Variants in MYOM1 observed in about 807,000 individuals in gnomAD.
MYOM1 encodes myomesin-1.
In MYOM1, 164 loss-of-function variants were observed where a neutral mutation model predicts 205.3. The ratio of observed to expected loss-of-function variants is 0.80; its 90% CI spans 0.70 to 0.91. The LOEUF is 0.91. Ranked by LOEUF, MYOM1 falls within the 40% of genes least tolerant of loss-of-function variation. The pLI is 0.00. For synonymous variants in MYOM1, 772 were observed against 789.4 expected, an observed-to-expected ratio of 0.98 and a Z score of 0.37; for missense variants, 2,011 against 2,127.3, an observed-to-expected ratio of 0.95 and a Z score of 1.08.
chr18:3,176,271 T>C, intron 5 of MYOM1, 137 bp from the exon 6 acceptor site: 1 of 587,136 alleles, frequency 1.7e-6, no homozygotes, highest in South Asian at 2.2e-5. Context: ...ATTAAATAAA[T>C]GTAAATCATA....
At chr18:3,089,646 T>C (rs2079196041) in intron 27 of MYOM1, 50 bp from the exon 28 acceptor site, 2 of 1,473,200 alleles carry the variant, frequency 1.4e-6, no homozygotes, top group South Asian at 1.2e-5. Flanking sequence ...GTGGTATAAA[T>C]GCACATGTCA....
intron 22 of MYOM1, among the ~76,000 whole-genome samples, chr18:3,103,098 T>C (rs928809754): frequency 6.6e-6 from 1 of 152,018 alleles, no homozygotes; most frequent in East Asian, 1.9e-4. Flanking sequence ...CAGGGAAGGA[T>C]AGAGATGAAG....
At chr18:3,170,373 A>G (rs1489565304) in intron 8 of MYOM1, among the ~76,000 whole-genome samples, 1 of 152,220 alleles carries the variant, frequency 6.6e-6, no homozygotes, top group Non-Finnish European at 1.5e-5. Context: ...GTATCTAAAT[A>G]TCGCATGTAC....
chr18:3,149,905 T>C (rs1406793778), intron 12 of MYOM1, among the ~76,000 whole-genome samples: 1 of 152,108 alleles, frequency 6.6e-6, no homozygotes, highest in Non-Finnish European at 1.5e-5. Context: ...ACAAATCTTA[T>C]TTTGATTGGA....
intron 5 of MYOM1, 62 bp from the exon 6 acceptor site, chr18:3,176,196 C>CAT: frequency 2.1e-6 from 2 of 943,364 alleles, no homozygotes; most frequent in Non-Finnish European, 1.7e-6. Context: ...TGATTAAACA[C>CAT]ACACACAATT....
rs2144182420 is a variant in MYOM1, at chr18:3,195,606, T to A, written c.291-1648A>T. ...GTTGGATTTCTAATTTCTCTCCTGT[T>A]TTTCTGCTTTTGCTTTTCTCTCTTT... is the stretch of plus-strand genomic sequence containing the variant. On this transcript the variant is annotated intron_variant, in intron 2 of 37. Coordinates refer to ENST00000356443, the MANE Select transcript of MYOM1 (RefSeq NM_003803.4). Among the ~76,000 whole-genome samples the A allele has an allele frequency of 2.0e-5, 3 of 152,334 alleles. No homozygotes were observed. The South Asian group carries it at 6.2e-4, about 32-fold the overall frequency.
At chr18:3,175,883 T>C (rs1276888379) in intron 6 of MYOM1, among the ~76,000 whole-genome samples, 159 bp downstream of exon 6, 1 of 152,158 alleles carries the variant, frequency 6.6e-6, no homozygotes, top group Non-Finnish European at 1.5e-5. Context: ...GTCATACATA[T>C]CACTTTCAGG....
At chr18:3,197,000 G>A (rs557490794) in intron 2 of MYOM1, among the ~76,000 whole-genome samples, 1 of 152,324 alleles carries the variant, frequency 6.6e-6, no homozygotes, top group East Asian at 1.9e-4. Flanking sequence ...TGACAGATGT[G>A]GAAAGCAAAG....
At position 3,129,493 on chromosome 18, in the gene MYOM1, G is replaced by A. The variant is rs1255882471; in HGVS notation, c.2533C>T (p.Pro845Ser). The stretch of plus-strand genomic sequence containing the variant: ...CCACCAGGCTCATCGCTCAGTGCGG[G>A]ACACACATCTGGAGACACTCCTCCC... ...IGGGVSPDVC[P>S]ALSDEPGGLT... The change falls in exon 18 of 38, where the codon CCC (proline) becomes TCC (serine). Residue 845 changes from proline (P) to serine (S), a missense_variant. Transcript: ENST00000356443. The A allele has an allele frequency of 1.9e-6, 3 of 1,613,424 alleles. No homozygotes were observed. The highest frequency in any genetic ancestry group is 1.7e-6 in the Non-Finnish European group (2 of 1,179,598).
chr18:3,183,822 GGA>G (rs915895610), intron 5 of MYOM1, among the ~76,000 whole-genome samples: 1 of 152,056 alleles, frequency 6.6e-6, no homozygotes, highest in African/African-American at 2.4e-5. Context: ...GGTCTTCAAG[GGA>G]AAGGCTGCTT....
At chr18:3,181,875 A>T (rs1047263859) in intron 5 of MYOM1, among the ~76,000 whole-genome samples, 13 of 151,792 alleles carry the variant, frequency 8.6e-5, no homozygotes, top group African/African-American at 2.9e-4. Flanking sequence ...CTGGTACTAC[A>T]GGTTCCTGCC....
At chr18:3,141,567 G>C (rs1463595748) in intron 14 of MYOM1, among the ~76,000 whole-genome samples, 1 of 152,182 alleles carries the variant, frequency 6.6e-6, no homozygotes, top group Non-Finnish European at 1.5e-5. Context: ...ACTACAGAAG[G>C]AGGAGTGGTA....
intron 5 of MYOM1, among the ~76,000 whole-genome samples, chr18:3,181,821 C>T (rs1304941317): frequency 6.7e-6 from 1 of 150,348 alleles, no homozygotes; most frequent in Non-Finnish European, 1.5e-5. Context: ...GCAACTTCCA[C>T]CTCCCAGATT....
chr18:3,131,031 G>A (rs972681688), intron 17 of MYOM1, among the ~76,000 whole-genome samples: 1 of 152,212 alleles, frequency 6.6e-6, no homozygotes, highest in Admixed American at 6.5e-5. Context: ...GATGATCTGT[G>A]TTATGGGTGA....
At chr18:3,186,984 A>G (rs1054362383) in intron 5 of MYOM1, among the ~76,000 whole-genome samples, 1 of 151,380 alleles carries the variant, frequency 6.6e-6, no homozygotes, top group Admixed American at 6.6e-5. Flanking sequence ...AAGAAGAAAG[A>G]AAAAAAGAAA....
intron 34 of MYOM1, among the ~76,000 whole-genome samples, chr18:3,077,184 A>G (rs1012671839): frequency 6.6e-6 from 1 of 150,880 alleles, no homozygotes; most frequent in Admixed American, 6.6e-5. Context: ...AGCTATTTTT[A>G]CATTTTTTTT....
intron 2 of MYOM1, among the ~76,000 whole-genome samples, chr18:3,210,500 T>G (rs1235025944): frequency 6.6e-6 from 1 of 152,182 alleles, no homozygotes; most frequent in Non-Finnish European, 1.5e-5. Context: ...TAGAGTCCTT[T>G]GCAAATATCT....
At chr18:3,103,775 A>G (rs113619054) in intron 22 of MYOM1, among the ~76,000 whole-genome samples, 2,332 of 152,298 alleles carry the variant, frequency 0.015, 60 homozygotes, top group African/African-American at 0.052. Context: ...TTCCCAAGGG[A>G]AGGCCAAGAG....
At chr18:3,155,389 TTTC>T (rs1366641456) in intron 10 of MYOM1, among the ~76,000 whole-genome samples, 3 of 152,266 alleles carry the variant, frequency 2.0e-5, no homozygotes, top group South Asian at 2.1e-4. Flanking sequence ...GCCCAGCTAA[TTTC>T]TTTTTGTATT....
Sources: allele counts gnomAD v4.1 joint callset (sites outside exome capture counted in the v4.1 genomes callset), GRCh38; gene constraint gnomAD v4.1.1; transcripts MANE v1.5; gene names NCBI Gene and HGNC (gene_info 2026-07-23, HGNC 2026-07-21).